Variants in DLG2 observed in about 807,000 individuals in gnomAD.
The protein encoded by DLG2 is disks large homolog 2.
DLG2 carries 45 observed loss-of-function variants against 132.5 expected under a neutral mutation model. The ratio of observed to expected loss-of-function variants is 0.34; its 90% confidence interval spans 0.27 to 0.44. The LOEUF (loss-of-function observed/expected upper bound fraction) is 0.44, where lower values mean the gene tolerates loss of function less well. Among genes scored for constraint, DLG2 ranks in the 20% least tolerant of loss-of-function variants. The pLI is 1.00. For missense variants in DLG2, 1,045 were observed against 1,196.9 expected (o/e 0.87, Z 1.87); for synonymous variants, 424 against 419.6 (o/e 1.01, Z -0.13).
chr11:85,472,383 T>C (rs2093012519), intron 3 of DLG2, among the ~76,000 whole-genome samples: 1 of 151,998 alleles, frequency 6.6e-6, no homozygotes, highest in Non-Finnish European at 1.5e-5. Flanking sequence ...CTCACTGCAA[T>C]CTCCACCTCC....
chr11:84,849,209 G>A (rs982401049), intron 6 of DLG2, among the ~76,000 whole-genome samples: 2 of 152,116 alleles, frequency 1.3e-5, no homozygotes, highest in Non-Finnish European at 2.9e-5. Context: ...GAACTACATA[G>A]CTGAAACAAG....
intron 6 of DLG2, among the ~76,000 whole-genome samples, chr11:84,886,923 C>T (rs552569541): frequency 2.2e-4 from 33 of 152,256 alleles, no homozygotes; most frequent in African/African-American, 7.9e-4. Context: ...CAGGAGTTCT[C>T]ACCCTTCTAT....
intron 14 of DLG2, among the ~76,000 whole-genome samples, chr11:83,955,634 T>C (rs1005009214): frequency 6.6e-6 from 1 of 152,222 alleles, no homozygotes; most frequent in East Asian, 1.9e-4. Flanking sequence ...GCCCTCATCC[T>C]ATGTATATAA....
At chr11:83,811,729 G>T (rs547537460) in intron 17 of DLG2, among the ~76,000 whole-genome samples, 2 of 152,102 alleles carry the variant, frequency 1.3e-5, no homozygotes, top group Non-Finnish European at 2.9e-5. Context: ...CTTATGTATT[G>T]TTGGCTATCA....
chr11:84,595,081 C>A (rs1162818551), intron 6 of DLG2, among the ~76,000 whole-genome samples: 1 of 152,080 alleles, frequency 6.6e-6, no homozygotes, highest in Non-Finnish European at 1.5e-5. Context: ...AGAAGATACT[C>A]ATTTTATATT....
At chr11:85,619,508 TA>T (rs965978987) in intron 2 of DLG2, among the ~76,000 whole-genome samples, 4 of 149,648 alleles carry the variant, frequency 2.7e-5, no homozygotes, top group Non-Finnish European at 3.0e-5. Context: ...GTGAAGAGAT[TA>T]AAAAAAAAAC....
chr11:84,477,614 G>A (rs1331731683), intron 7 of DLG2, among the ~76,000 whole-genome samples: 4 of 152,100 alleles, frequency 2.6e-5, no homozygotes, highest in Non-Finnish European at 2.9e-5. Context: ...AAATCTCCAC[G>A]GATTAGAGTG....
chr11:84,799,704 T>C (rs1198976958), intron 6 of DLG2, among the ~76,000 whole-genome samples: 1 of 152,192 alleles, frequency 6.6e-6, no homozygotes, highest in Non-Finnish European at 1.5e-5. Flanking sequence ...TTTAAACTTC[T>C]CAATTTTACT....
chr11:83,885,993 C>T (rs2067748701), intron 15 of DLG2, among the ~76,000 whole-genome samples: 1 of 152,226 alleles, frequency 6.6e-6, no homozygotes, highest in South Asian at 2.1e-4. Flanking sequence ...ACTGAAAAAT[C>T]ATGCCAAATT....
intron 4 of DLG2, among the ~76,000 whole-genome samples, chr11:85,267,151 A>C (rs547381537): frequency 6.6e-6 from 1 of 152,334 alleles, no homozygotes; most frequent in South Asian, 2.1e-4. Flanking sequence ...GGGTAGAGTA[A>C]TCATGAATAG....
intron 21 of DLG2, among the ~76,000 whole-genome samples, chr11:83,507,512 A>C (rs1008809384): frequency 2.1e-5 from 3 of 146,000 alleles, no homozygotes; most frequent in Non-Finnish European, 4.5e-5. Context: ...TATCCTCTAT[A>C]TATATATCCA....
chr11:84,477,934 A>C (rs1284478809), intron 7 of DLG2, among the ~76,000 whole-genome samples: 1 of 152,172 alleles, frequency 6.6e-6, no homozygotes, highest in African/African-American at 2.4e-5. Context: ...TGTGTATTAC[A>C]TGTATTCACT....
intron 18 of DLG2, among the ~76,000 whole-genome samples, chr11:83,761,183 A>G (rs1489790355): frequency 1.3e-5 from 2 of 152,140 alleles, no homozygotes; most frequent in African/African-American, 4.8e-5. Context: ...GAGAATGGGC[A>G]TTTATTTGCT....
chr11:84,396,588 C>G (rs567600350), intron 7 of DLG2, among the ~76,000 whole-genome samples: 1 of 152,108 alleles, frequency 6.6e-6, no homozygotes, highest in Non-Finnish European at 1.5e-5. Flanking sequence ...TATGTGCATA[C>G]GTCAAAGAGA....
At chr11:84,177,948 C>T (rs2096014555) in intron 8 of DLG2, among the ~76,000 whole-genome samples, 1 of 151,896 alleles carries the variant, frequency 6.6e-6, no homozygotes, top group African/African-American at 2.4e-5. Flanking sequence ...CAACAATAGC[C>T]ATTTCTGGAC....
chr11:85,120,103 C>T (rs1448987251), intron 5 of DLG2, among the ~76,000 whole-genome samples: 1 of 152,052 alleles, frequency 6.6e-6, no homozygotes, highest in African/African-American at 2.4e-5. Context: ...ACAGAGCTTT[C>T]TCTTATCGGA....
At chr11:84,923,875 C>T (rs893791250) in intron 6 of DLG2, among the ~76,000 whole-genome samples, 11 of 152,098 alleles carry the variant, frequency 7.2e-5, no homozygotes, top group Admixed American at 2.6e-4. Context: ...TCTAAAGTTG[C>T]CAGACTCCAT....
intron 6 of DLG2, among the ~76,000 whole-genome samples, chr11:84,600,215 A>G (rs528704591): frequency 6.6e-4 from 87 of 132,252 alleles, no homozygotes; most frequent in Non-Finnish European, 9.8e-4. Flanking sequence ...AAAGAAAGAA[A>G]GAAAGAAAGA....
chr11:85,112,092 A>T (rs2072856841), intron 5 of DLG2, among the ~76,000 whole-genome samples: 1 of 152,048 alleles, frequency 6.6e-6, no homozygotes, highest in Non-Finnish European at 1.5e-5. Flanking sequence ...TACTCCTGTA[A>T]GATCACATGA....
Sources: gnomAD v4.1 joint callset for allele counts (sites outside exome capture counted in the v4.1 genomes callset) on GRCh38, gnomAD v4.1.1 for gene constraint, MANE v1.5 for transcripts, NCBI Gene and HGNC (gene_info 2026-07-23, HGNC 2026-07-21) for gene names.